Variants in AIG1 observed in about 807,000 individuals in gnomAD.
The protein encoded by AIG1 is androgen-induced gene 1 protein.
A neutral mutation model predicts 31.4 loss-of-function variants in AIG1; 23 were observed. That is an observed-to-expected ratio of 0.73 (90% CI 0.53 to 1.04). AIG1 has a LOEUF of 1.04. Ranked by LOEUF, AIG1 falls within the 50% of genes least tolerant of loss-of-function variation. The pLI, the probability that AIG1 is intolerant of heterozygous loss-of-function variation, is 0.00. For missense variants in AIG1, 274 were observed against 295.0 expected (o/e 0.93, Z 0.52); for synonymous variants, 100 against 110.5 (o/e 0.90, Z 0.60).
Position 143,293,587 on chromosome 6 carries a change from T to G in AIG1, c.515+9362T>G, listed in dbSNP as rs1280084310. Among the ~76,000 whole-genome samples, 1 of 152,218 alleles carries G rather than the reference T, an allele frequency of 6.6e-6. No homozygotes were observed. The highest frequency in any genetic ancestry group is 1.5e-5 in the Non-Finnish European group (1 of 68,040). On this transcript the variant is annotated intron_variant, in intron 4 of 5. Coordinates refer to ENST00000357847, the MANE Select transcript of AIG1 (RefSeq NM_016108.4). The surrounding 1 kb of genome is among the most constrained non-coding windows in gnomAD (Gnocchi z 4.8). ...CAAATCAGCTTCTTAGACCTGCATC[T>G]GGACAGAAAAGGCTTGTGTATATAA...
At chr6:143,304,717 G>A (rs1189538070) in intron 4 of AIG1, among the ~76,000 whole-genome samples, 1 of 151,236 alleles carries the variant, frequency 6.6e-6, no homozygotes, top group Middle Eastern at 3.4e-3. Flanking sequence ...CCAGGCTTTG[G>A]TATCAGAATG....
intron 1 of AIG1, among the ~76,000 whole-genome samples, chr6:143,124,102 A>C (rs1265476862): frequency 2.0e-5 from 3 of 152,230 alleles, no homozygotes; most frequent in Non-Finnish European, 4.4e-5. Flanking sequence ...AGTCATGGTG[A>C]ATTACATGCT....
intron 2 of AIG1, among the ~76,000 whole-genome samples, chr6:143,144,904 T>C (rs911902152): frequency 6.6e-6 from 1 of 152,222 alleles, no homozygotes; most frequent in Non-Finnish European, 1.5e-5. Flanking sequence ...GTCTAAATAA[T>C]TCAATATTAG....
Position 143,334,188 on chromosome 6 carries a change from A to C in AIG1, c.679+743A>C. The stretch of plus-strand genomic sequence containing the variant: ...AGGTGGAAAAAGCGCCAGCACAGAC[A>C]TGTAGTGATTGAGTCCTGCATGAAA... On this transcript the variant is annotated intron_variant, in intron 5 of 5. Coordinates refer to ENST00000357847, the MANE Select transcript of AIG1 (RefSeq NM_016108.4). The surrounding 1 kb of genome is among the most constrained non-coding windows in gnomAD (Gnocchi z 5.1). The C allele has an allele frequency of 7.8e-7, 1 of 1,290,214 alleles. No homozygotes were observed. Among genetic ancestry groups the C allele is most frequent in the Middle Eastern group, 1.9e-4 (1 of 5,356 alleles). 79.9% of individuals were successfully genotyped at this position (1,290,214 alleles called of 1,614,324 possible). A position where few individuals can be genotyped will look rare whatever the true frequency, so the allele number is the denominator to read the frequency against.
chr6:143,309,738 A>G (rs546478218), intron 4 of AIG1, among the ~76,000 whole-genome samples: 23 of 152,192 alleles, frequency 1.5e-4, no homozygotes, highest in African/African-American at 4.8e-4. Flanking sequence ...CTAAAATATT[A>G]TACATGTTTC....
At chr6:143,109,970 T>A (rs950636206) in intron 1 of AIG1, among the ~76,000 whole-genome samples, 6 of 152,228 alleles carry the variant, frequency 3.9e-5, no homozygotes, top group Non-Finnish European at 7.3e-5. Flanking sequence ...ATGAAGATAT[T>A]CTCCTCTGCT....
rs1796323779 is a variant in AIG1, at chr6:143,268,899, C to A, written c.400-15211C>A. On this transcript the variant is annotated intron_variant, in intron 3 of 5. Transcript: ENST00000357847. The surrounding 1 kb of genome is among the most constrained non-coding windows in gnomAD (Gnocchi z 5.0). The stretch of plus-strand genomic sequence containing the variant: ...AACTGCCCTTATGTGAAGACAGCAG[C>A]CTTACTAAGTTCAGACCCCCTTCCT... Among the ~76,000 whole-genome samples the A allele has an allele frequency of 6.6e-6, 1 of 152,206 alleles. No individual in the cohort carries two copies. Among genetic ancestry groups the A allele is most frequent in the South Asian group, 2.1e-4 (1 of 4,834 alleles).
intron 1 of AIG1, among the ~76,000 whole-genome samples, chr6:143,080,736 C>G (rs1283453596): frequency 6.6e-6 from 1 of 152,126 alleles, no homozygotes; most frequent in Non-Finnish European, 1.5e-5. Context: ...ACAGGAATAG[C>G]TAGCATTGTC....
At chr6:143,290,758 G>A (rs371964916) in intron 4 of AIG1, among the ~76,000 whole-genome samples, 24 of 152,112 alleles carry the variant, frequency 1.6e-4, no homozygotes, top group African/African-American at 5.1e-4. Context: ...TTTGTTGGGG[G>A]GTGGCAGGGG....
chr6:143,177,237 G>A (rs895341886), intron 3 of AIG1, among the ~76,000 whole-genome samples: 2 of 151,940 alleles, frequency 1.3e-5, no homozygotes, highest in African/African-American at 2.4e-5. Flanking sequence ...GTGTTCTCTC[G>A]TATCTTCCCA....
rs1776662180 is a variant in AIG1 at position 143,326,936 on chromosome 6, C to T, written c.516-6346C>T. Among the ~76,000 whole-genome samples, 1 of 152,146 alleles carries T rather than the reference C, an allele frequency of 6.6e-6. No individual in the cohort carries two copies. The highest frequency in any genetic ancestry group is 2.1e-4 in the South Asian group (1 of 4,830). ...CCGATAGAAGCCACTCTATGAAGAG[C>T]ACTCTAGACTTTGTTGAAACTTTGG... On this transcript the variant is annotated intron_variant, in intron 4 of 5. Coordinates refer to ENST00000357847, the MANE Select transcript of AIG1 (RefSeq NM_016108.4). The surrounding 1 kb of genome is among the most constrained non-coding windows in gnomAD (Gnocchi z 4.5).
chr6:143,174,503 A>AAAG (rs1242023311), intron 3 of AIG1, among the ~76,000 whole-genome samples: 1 of 151,702 alleles, frequency 6.6e-6, no homozygotes, highest in Non-Finnish European at 1.5e-5. Context: ...AAAAAAAAAA[A>AAAG]AAAAAGAAAA....
intron 1 of AIG1, among the ~76,000 whole-genome samples, chr6:143,074,635 C>G (rs1365732857): frequency 6.6e-5 from 10 of 152,104 alleles, no homozygotes; most frequent in East Asian, 5.8e-4. Flanking sequence ...TTTTGATTAC[C>G]ATAGCTTTGT....
chr6:143,062,309 A>G (rs1019868337), intron 1 of AIG1, among the ~76,000 whole-genome samples: 1 of 152,186 alleles, frequency 6.6e-6, no homozygotes, highest in African/African-American at 2.4e-5. Context: ...AGGGTATAGA[A>G]TGTTGCAAGG....
At chr6:143,129,154 G>T (rs546551618) in intron 1 of AIG1, among the ~76,000 whole-genome samples, 2 of 152,082 alleles carry the variant, frequency 1.3e-5, no homozygotes, top group East Asian at 3.9e-4. Flanking sequence ...AGGCGGGTGT[G>T]GGGGCAGGCA....
At chr6:143,273,431 G>A (rs1241324501) in intron 3 of AIG1, among the ~76,000 whole-genome samples, 1 of 152,116 alleles carries the variant, frequency 6.6e-6, no homozygotes, top group Non-Finnish European at 1.5e-5. Context: ...ACTGAGTGCA[G>A]GAACACCTAC....
At chr6:143,113,303 A>T (rs1209463080) in intron 1 of AIG1, among the ~76,000 whole-genome samples, 2 of 152,066 alleles carry the variant, frequency 1.3e-5, no homozygotes, top group African/African-American at 4.8e-5. Flanking sequence ...TACAATGTTA[A>T]AAAATTATTA....
chr6:143,085,102 A>G (rs1460756569), intron 1 of AIG1, among the ~76,000 whole-genome samples: 5 of 152,200 alleles, frequency 3.3e-5, no homozygotes, highest in South Asian at 2.1e-4. Flanking sequence ...CAATATAGCC[A>G]TCAGGGTCAT....
chr6:143,125,991 AC>A (rs1782655509), intron 1 of AIG1, among the ~76,000 whole-genome samples: 1 of 152,214 alleles, frequency 6.6e-6, no homozygotes, highest in Non-Finnish European at 1.5e-5. Flanking sequence ...CATTCTGCAA[AC>A]CACACATTTG....
Sources: allele counts gnomAD v4.1 joint callset (sites outside exome capture counted in the v4.1 genomes callset), GRCh38; gene constraint gnomAD v4.1.1; non-coding constraint Gnocchi (gnomAD v3.1); transcripts MANE v1.5; gene names NCBI Gene and HGNC (gene_info 2026-07-23, HGNC 2026-07-21).